Variants in FMNL2 observed in about 807,000 individuals in gnomAD.
FMNL2 encodes the protein formin-like protein 2.
In FMNL2, 51 loss-of-function variants were observed where a neutral mutation model predicts 130.2. That is an observed-to-expected ratio of 0.39 (90% CI 0.31 to 0.49). FMNL2 has a LOEUF of 0.49. Among genes scored for constraint, FMNL2 ranks in the 20% least tolerant of loss-of-function variants. The pLI is 0.85. For missense variants in FMNL2, 977 were observed against 1,316.2 expected, an observed-to-expected ratio of 0.74 and a Z score of 3.99; for synonymous variants, 465 against 467.1, an observed-to-expected ratio of 1.00 and a Z score of 0.06.
At chr2:152,459,612 A>C (rs1353673384) in intron 1 of FMNL2, among the ~76,000 whole-genome samples, 2 of 152,154 alleles carry the variant, frequency 1.3e-5, no homozygotes, top group East Asian at 1.9e-4. Flanking sequence ...ATCTGTTTTC[A>C]TTGAGAGAAG....
intron 4 of FMNL2, among the ~76,000 whole-genome samples, chr2:152,555,869 G>A (rs1355552974): frequency 6.6e-6 from 1 of 152,164 alleles, no homozygotes; most frequent in Admixed American, 6.5e-5. Context: ...CATGCACAGA[G>A]GTGAAATGGA....
chr2:152,375,850 GCTCTCTCT>G (rs71394477), intron 1 of FMNL2, among the ~76,000 whole-genome samples: 7 of 100,598 alleles, frequency 7.0e-5, no homozygotes, highest in African/African-American at 1.5e-4. Context: ...AGCCATTGAA[GCTCTCTCT>G]CTCTCTCTCT....
At chr2:152,438,779 C>A (rs943280373) in intron 1 of FMNL2, among the ~76,000 whole-genome samples, 3 of 152,016 alleles carry the variant, frequency 2.0e-5, no homozygotes, top group Non-Finnish European at 2.9e-5. Context: ...GCAGTCATAG[C>A]GTCAGGGGGC....
chr2:152,577,130 G>T (rs1163405138), intron 7 of FMNL2, among the ~76,000 whole-genome samples: 1 of 152,156 alleles, frequency 6.6e-6, no homozygotes, highest in Non-Finnish European at 1.5e-5. Flanking sequence ...AGCTTTGGTG[G>T]TCATATGGAC....
chr2:152,648,484 T>C lies in FMNL2; in HGVS notation c.*579T>C, dbSNP rs1265127763. 1 of 154,014 alleles carries C rather than the reference T, an allele frequency of 6.5e-6. No individual in the cohort carries two copies. The highest frequency in any genetic ancestry group is 1.9e-4 in the East Asian group (1 of 5,208). The allele number at this position is 154,014 out of a possible 1,614,324, so 9.5% of individuals were successfully genotyped here. A position where few individuals can be genotyped will look rare whatever the true frequency, so the allele number is the denominator to read the frequency against. On this transcript the variant is annotated 3_prime_UTR_variant, in exon 26 of 26. Coordinates refer to ENST00000288670, the MANE Select transcript of FMNL2 (RefSeq NM_052905.4). ...TGTTTCCAGTTTCACATTCTACTAC[T>C]TCTGCGCTAGAGAACGATGCTCTGT...
chr2:152,360,597 C>T (rs902902640), intron 1 of FMNL2, among the ~76,000 whole-genome samples: 4 of 152,140 alleles, frequency 2.6e-5, no homozygotes, highest in African/African-American at 9.7e-5. Context: ...TAAGATTATT[C>T]TTTGAATAAT....
At chr2:152,348,307 C>T (rs768012872) in intron 1 of FMNL2, among the ~76,000 whole-genome samples, 37 of 152,266 alleles carry the variant, frequency 2.4e-4, no homozygotes, top group Non-Finnish European at 2.8e-4. Context: ...TTGTTTGTGT[C>T]TTTGTTTCAC....
chr2:152,571,078 C>T (rs1433015134), intron 6 of FMNL2, among the ~76,000 whole-genome samples: 4 of 152,084 alleles, frequency 2.6e-5, no homozygotes, highest in African/African-American at 9.7e-5. Context: ...CCTTGAAAAC[C>T]AGTAGCTGCA....
In FMNL2 at chr2:152,617,256, A is replaced by C. The variant is rs1020795698; in HGVS notation, c.1314+64A>C. The C allele has an allele frequency of 4.9e-6, 7 of 1,417,964 alleles. No individual in the cohort carries two copies. In the African/African-American group the frequency reaches 9.9e-5, roughly 20 times the overall value. The allele number at this position is 1,417,964 out of a possible 1,614,324, so 87.8% of individuals were successfully genotyped here. On this transcript the variant is annotated intron_variant, in intron 13 of 25. Transcript: ENST00000288670. ...AGGGAATGTACTCCAGCTTTCGTCC[A>C]GTGGAACGCAGAGTACCTTCATTTC...
chr2:152,447,983 A>G (rs1688441622), intron 1 of FMNL2, among the ~76,000 whole-genome samples: 1 of 152,198 alleles, frequency 6.6e-6, no homozygotes, highest in Admixed American at 6.5e-5. Flanking sequence ...AGTTTTTAAT[A>G]CTTAACTGTA....
intron 1 of FMNL2, among the ~76,000 whole-genome samples, chr2:152,452,587 T>G (rs1688704327): frequency 6.6e-6 from 1 of 152,204 alleles, no homozygotes; most frequent in Non-Finnish European, 1.5e-5. Context: ...CAAATGTGAC[T>G]GCTCAGAAGT....
At chr2:152,569,009 T>TA (rs1174300020) in intron 6 of FMNL2, among the ~76,000 whole-genome samples, 6 of 152,264 alleles carry the variant, frequency 3.9e-5, no homozygotes, top group Non-Finnish European at 8.8e-5. Context: ...ACTTAGTACT[T>TA]ACGTTTACCA....
chr2:152,339,049 A>G (rs1453580088), intron 1 of FMNL2, among the ~76,000 whole-genome samples: 2 of 152,234 alleles, frequency 1.3e-5, no homozygotes, highest in Non-Finnish European at 2.9e-5. Flanking sequence ...TCATATCTGT[A>G]ATAGCCATGT....
intron 1 of FMNL2, among the ~76,000 whole-genome samples, chr2:152,352,138 G>A (rs963470381): frequency 1.3e-5 from 2 of 152,142 alleles, no homozygotes; most frequent in East Asian, 1.9e-4. Flanking sequence ...TACACAATTC[G>A]ATATCAGAAT....
rs182667157 is a variant in FMNL2 at position 152,588,422 on chromosome 2, C to T, written c.876+7373C>T. ...TCCATAATAATCTAAGACAGTCTCC[C>T]CTCCTGAAGTCCCTTAATTTGATCA... On this transcript the variant is annotated intron_variant, in intron 9 of 25. Transcript: ENST00000288670. Among the ~76,000 whole-genome samples the T allele has an allele frequency of 4.3e-4, 66 of 152,284 alleles. 1 individual carries two copies. Among genetic ancestry groups the T allele is most frequent in the Non-Finnish European group, 1.6e-4 (11 of 68,028 alleles).
At chr2:152,600,252 A>AG (rs1288089465) in intron 9 of FMNL2, among the ~76,000 whole-genome samples, 4 of 152,218 alleles carry the variant, frequency 2.6e-5, no homozygotes, top group African/African-American at 9.6e-5. Flanking sequence ...TGCAGATCAC[A>AG]GGGGCCTATT....
intron 1 of FMNL2, among the ~76,000 whole-genome samples, chr2:152,341,861 T>C (rs1250481230): frequency 6.6e-6 from 1 of 152,122 alleles, no homozygotes; most frequent in East Asian, 1.9e-4. Context: ...TTGTTGAAAA[T>C]GGATGGTGAG....
chr2:152,507,379 A>G (rs768031997), intron 1 of FMNL2, among the ~76,000 whole-genome samples: 8 of 152,198 alleles, frequency 5.3e-5, no homozygotes, highest in Non-Finnish European at 1.2e-4. Flanking sequence ...AGGTTGTATC[A>G]TATTCTGGTA....
Position 152,619,549 on chromosome 2 carries a change from G to GCCCCCCCCCCCC in FMNL2, c.1670_1671insCCCCCCCCCCCC (p.Pro570_Pro573dup). ...TAACACCACCTATGCCACCGCCGCC[G>GCCCCCCCCCCCC]CCGCCCCCTCCTCCACCTCCTCCTC... On this transcript the variant is annotated inframe_insertion, in exon 15 of 26. Transcript: ENST00000288670. 1.4e-6 allele frequency: 2 copies of GCCCCCCCCCCCC among 1,395,008 alleles called. No individual in the cohort carries two copies. Among genetic ancestry groups the GCCCCCCCCCCCC allele is most frequent in the South Asian group, 1.3e-5 (1 of 78,978 alleles). 86.4% of individuals were successfully genotyped at this position (1,395,008 alleles called of 1,614,324 possible).
Sources: gnomAD v4.1 joint callset for allele counts (sites outside exome capture counted in the v4.1 genomes callset) on GRCh38, gnomAD v4.1.1 for gene constraint, MANE v1.5 for transcripts, NCBI Gene and HGNC (gene_info 2026-07-23, HGNC 2026-07-21) for gene names.